The following WIPI1 variants were observed in gnomAD, a reference collection of about 807,000 sequenced individuals.
WIPI1 encodes the protein WD repeat domain, phosphoinositide interacting 1, also known as WD repeat domain phosphoinositide-interacting protein 1.
In WIPI1, 45 loss-of-function variants were observed where a neutral mutation model predicts 55.3. That is an observed-to-expected ratio of 0.81 (90% CI 0.64 to 1.04). WIPI1 has a LOEUF of 1.04. Among genes scored for constraint, WIPI1 ranks in the 50% least tolerant of loss-of-function variants. The probability of loss-of-function intolerance (pLI) is 0.00; values close to 1 mark genes in which losing one functional copy is unlikely to be tolerated. For missense variants in WIPI1, 445 were observed against 559.0 expected, an observed-to-expected ratio of 0.80 and a Z score of 2.06; for synonymous variants, 195 against 217.6, an observed-to-expected ratio of 0.90 and a Z score of 0.92.
intron 1 of WIPI1, among the ~76,000 whole-genome samples, chr17:68,456,328 C>G (rs1355327022): frequency 1.3e-5 from 2 of 152,190 alleles, no homozygotes; most frequent in Non-Finnish European, 2.9e-5. Context: ...GCCTTAATTA[C>G]ACCACTGAAG....
At position 68,421,711 on chromosome 17, in the gene WIPI1, C is replaced by T; in HGVS notation, c.*62G>A. 1.2e-6 allele frequency: 2 copies of T among 1,611,734 alleles called. No homozygotes were observed. Among genetic ancestry groups the T allele is most frequent in the Non-Finnish European group, 1.7e-6 (2 of 1,177,940 alleles). On this transcript the variant is annotated 3_prime_UTR_variant, in exon 13 of 13. Coordinates refer to ENST00000262139, the MANE Select transcript of WIPI1 (RefSeq NM_017983.7). Reference sequence around the variant, plus strand: ...CAATTGCACTCCATTCTTCCGCCTTCCTTGTTTTCTCCAAAACCACCTGAT... The same window carrying T: ...CAATTGCACTCCATTCTTCCGCCTTTCTTGTTTTCTCCAAAACCACCTGAT...
intron 6 of WIPI1, among the ~76,000 whole-genome samples, chr17:68,434,947 A>C (rs934737778): frequency 5.9e-5 from 9 of 152,158 alleles, no homozygotes; most frequent in African/African-American, 2.2e-4. Context: ...CACGCCTGTA[A>C]TCCTAGCACT....
chr17:68,428,735 A>G (rs888149883), intron 10 of WIPI1, 94 bp downstream of exon 10: 3 of 948,738 alleles, frequency 3.2e-6, no homozygotes, highest in African/African-American at 3.2e-5. Context: ...GAACAAATCA[A>G]TGCAAGGGCA....
chr17:68,455,564 C>T (rs1042164494), intron 1 of WIPI1, among the ~76,000 whole-genome samples: 1 of 152,094 alleles, frequency 6.6e-6, no homozygotes. Context: ...ATTTTAAAAT[C>T]CAATGTCATA....
At chr17:68,449,585 C>T (rs957563450) in intron 3 of WIPI1, among the ~76,000 whole-genome samples, 14 of 152,176 alleles carry the variant, frequency 9.2e-5, no homozygotes, top group African/African-American at 2.4e-4. Flanking sequence ...TGAGTTCTCA[C>T]GAGACCTGGT....
intron 1 of WIPI1, among the ~76,000 whole-genome samples, chr17:68,455,539 T>C (rs956885986): frequency 1.3e-5 from 2 of 152,214 alleles, no homozygotes; most frequent in Admixed American, 1.3e-4. Flanking sequence ...ATGTATTCAG[T>C]AAGGGGCTTG....
Position 68,450,912 on chromosome 17 carries a change from A to C in WIPI1, c.164-15T>G, listed in dbSNP as rs1272085113. 12 of 1,608,330 alleles carry C rather than the reference A, an allele frequency of 7.5e-6. No individual in the cohort carries two copies. Among genetic ancestry groups the C allele is most frequent in the Non-Finnish European group, 9.3e-6 (11 of 1,177,316 alleles). ...CGGGATTTCATCTGGGAGGAAAAGC[A>C]GCCGGGAGGTTACATGGATTGATCA... On this transcript the variant is annotated splice_polypyrimidine_tract_variant and intron_variant, in intron 2 of 12. Transcript: ENST00000262139.
At chr17:68,427,863 T>C (rs2083301418) in intron 10 of WIPI1, among the ~76,000 whole-genome samples, 1 of 152,136 alleles carries the variant, frequency 6.6e-6, no homozygotes, top group African/African-American at 2.4e-5. Context: ...CTGTGCCTGT[T>C]CACAGAAGGC....
At chr17:68,444,212 A>G (rs921687810) in intron 4 of WIPI1, among the ~76,000 whole-genome samples, 2 of 152,200 alleles carry the variant, frequency 1.3e-5, no homozygotes, top group South Asian at 2.1e-4. Flanking sequence ...AATCTTTTAC[A>G]TGTCTACCTT....
At chr17:68,452,785 T>C (rs1386235554) in intron 2 of WIPI1, 125 bp downstream of exon 2, 1 of 722,822 alleles carries the variant, frequency 1.4e-6, no homozygotes, top group East Asian at 2.7e-5. Context: ...CTAAAAATCT[T>C]GACTCCCTAA....
chr17:68,456,896 G>T (rs1017961542), intron 1 of WIPI1, among the ~76,000 whole-genome samples: 1 of 152,232 alleles, frequency 6.6e-6, no homozygotes, highest in Non-Finnish European at 1.5e-5. Flanking sequence ...AAATGGGAAA[G>T]TTTTTCCTGT....
chr17:68,425,912 C>G, intron 12 of WIPI1, 163 bp downstream of exon 12: 1 of 618,358 alleles, frequency 1.6e-6, no homozygotes, highest in Non-Finnish European at 2.8e-6. Flanking sequence ...GGATTCGAAG[C>G]ACACAGTACA....
chr17:68,426,038 A>T (rs1363902419), intron 12 of WIPI1, 37 bp downstream of exon 12: 7 of 1,579,984 alleles, frequency 4.4e-6, no homozygotes, highest in Non-Finnish European at 6.1e-6. Context: ...CTAAGCACAC[A>T]GACTGAGCCG....
intron 11 of WIPI1, 79 bp from the exon 12 acceptor site, chr17:68,426,254 G>GGGGGGGGGGT: frequency 1.2e-6 from 1 of 816,924 alleles, no homozygotes; most frequent in Admixed American, 2.3e-5. Flanking sequence ...GGGAGCGGGG[G>GGGGGGGGGGT]CTCAAATAAA....
intron 12 of WIPI1, among the ~76,000 whole-genome samples, chr17:68,425,134 G>A (rs1452702995): frequency 6.6e-6 from 1 of 152,196 alleles, no homozygotes; most frequent in East Asian, 1.9e-4. Context: ...GCAGGTTGCT[G>A]GGAAACCCAG....
At chr17:68,448,876 T>C (rs976474100) in intron 3 of WIPI1, among the ~76,000 whole-genome samples, 2 of 152,214 alleles carry the variant, frequency 1.3e-5, no homozygotes, top group African/African-American at 2.4e-5. Context: ...CAAACTGCCT[T>C]TCCCTCCCTT....
At chr17:68,445,906 G>T (rs1414309643) in intron 3 of WIPI1, among the ~76,000 whole-genome samples, 1 of 152,172 alleles carries the variant, frequency 6.6e-6, no homozygotes, top group Non-Finnish European at 1.5e-5. Flanking sequence ...CAAGCCCTGG[G>T]CTCTCCCCGG....
chr17:68,446,369 G>C (rs2084284855), intron 3 of WIPI1, among the ~76,000 whole-genome samples: 1 of 151,874 alleles, frequency 6.6e-6, no homozygotes, highest in Non-Finnish European at 1.5e-5. Context: ...TTTTTGTAGA[G>C]ACCCGGGTTT....
At position 68,423,566 on chromosome 17, in the gene WIPI1, C is replaced by T. The variant is rs898650993; in HGVS notation, c.1294-1746G>A. ...CCACTCTCACTGGCAGGAAGTATTTCTTGCGTATAAATAAGAATTCCTGAT... is the reference window on the plus strand; with the variant it reads ...CCACTCTCACTGGCAGGAAGTATTTTTTGCGTATAAATAAGAATTCCTGAT... On this transcript the variant is annotated intron_variant, in intron 12 of 12. Coordinates refer to ENST00000262139, the MANE Select transcript of WIPI1 (RefSeq NM_017983.7). The surrounding 1 kb of genome is among the most constrained non-coding windows in gnomAD (Gnocchi z 4.4). Among the ~76,000 whole-genome samples, 3 of 152,180 alleles carry T rather than the reference C, an allele frequency of 2.0e-5. No homozygotes were observed. The highest frequency in any genetic ancestry group is 6.5e-5 in the Admixed American group (1 of 15,286).
Sources: gnomAD v4.1 joint callset for allele counts (sites outside exome capture counted in the v4.1 genomes callset) on GRCh38, gnomAD v4.1.1 for gene constraint, Gnocchi (gnomAD v3.1) non-coding constraint, MANE v1.5 for transcripts, NCBI Gene and HGNC (gene_info 2026-07-23, HGNC 2026-07-21) for gene names.